The following CSMD1 variants were observed in gnomAD, a reference collection of about 807,000 sequenced individuals.
CSMD1 encodes CUB and sushi domain-containing protein 1.
A neutral mutation model predicts 417.5 loss-of-function variants in CSMD1; 213 were observed. The ratio of observed to expected loss-of-function variants is 0.51; its 90% confidence interval spans 0.46 to 0.57. The LOEUF (loss-of-function observed/expected upper bound fraction) is 0.57. CSMD1 is among the 20% of genes least tolerant of loss of function. The probability of loss-of-function intolerance (pLI) is 0.00; values close to 1 mark genes in which losing one functional copy is unlikely to be tolerated. For missense variants in CSMD1, 6,923 were observed against 4,529.7 expected, an observed-to-expected ratio of 1.53 and a Z score of -15.17; for synonymous variants, 2,862 against 1,736.8, an observed-to-expected ratio of 1.65 and a Z score of -16.11.
At position 4,787,989 on chromosome 8, in the gene CSMD1, G is replaced by C. The variant is rs1866280; in HGVS notation, c.86-150431C>G. 2,793 of 1,593,892 alleles carry C rather than the reference G, an allele frequency of 1.8e-3. 67 individuals carry two copies. The Admixed American group carries it at 0.044, about 25-fold the overall frequency. On this transcript the variant is annotated intron_variant, in intron 1 of 69. Coordinates refer to ENST00000635120, the MANE Select transcript of CSMD1 (RefSeq NM_033225.6). ...ATCAGGAGATCGAAGCCAACAGAAA[G>C]ACAAACAGTGTTATCGGGATCTCAA...
chr8:4,750,069 G>C (rs1044281250), intron 1 of CSMD1, among the ~76,000 whole-genome samples: 1 of 151,866 alleles, frequency 6.6e-6, no homozygotes, highest in Non-Finnish European at 1.5e-5. Context: ...TGCAGTGGGC[G>C]ATCTCGGCTC....
intron 30 of CSMD1, among the ~76,000 whole-genome samples, chr8:3,211,581 G>T (rs1797609923): frequency 6.6e-6 from 1 of 152,192 alleles, no homozygotes; most frequent in Non-Finnish European, 1.5e-5. Flanking sequence ...GGAGCCTTAT[G>T]CCTGTGGAAT....
intron 6 of CSMD1, among the ~76,000 whole-genome samples, chr8:3,753,653 A>G (rs962289400): frequency 2.0e-5 from 3 of 152,226 alleles, no homozygotes; most frequent in African/African-American, 7.2e-5. Flanking sequence ...GATGCATAAT[A>G]ATTAAAATCA....
At chr8:4,270,179 G>A (rs1173525382) in intron 3 of CSMD1, among the ~76,000 whole-genome samples, 1 of 152,324 alleles carries the variant, frequency 6.6e-6, no homozygotes. Context: ...CAAGCGGTTA[G>A]AAAGGAGTTG....
At chr8:4,370,881 G>A (rs767465885) in intron 3 of CSMD1, among the ~76,000 whole-genome samples, 12 of 152,160 alleles carry the variant, frequency 7.9e-5, no homozygotes, top group Non-Finnish European at 1.6e-4. Flanking sequence ...GTATCTTGAT[G>A]AGCTCCATTG....
At chr8:4,686,839 G>T (rs971068788) in intron 1 of CSMD1, among the ~76,000 whole-genome samples, 1 of 152,212 alleles carries the variant, frequency 6.6e-6, no homozygotes, top group Non-Finnish European at 1.5e-5. Flanking sequence ...GCAATGAGCT[G>T]CAGGGAGAGA....
At chr8:3,046,726 T>G (rs573756427) in intron 50 of CSMD1, among the ~76,000 whole-genome samples, 1 of 152,312 alleles carries the variant, frequency 6.6e-6, no homozygotes, top group Non-Finnish European at 1.5e-5. Context: ...CCGCAGCAGC[T>G]GAAGACTTCC....
intron 62 of CSMD1, 145 bp from the exon 63 acceptor site, chr8:2,957,952 C>T (rs1346765833): frequency 9.7e-6 from 6 of 620,048 alleles, no homozygotes; most frequent in Middle Eastern, 2.9e-4. Flanking sequence ...TCAACATGTA[C>T]ATTTTAACTG....
chr8:4,113,312 T>G (rs916612459), intron 3 of CSMD1, among the ~76,000 whole-genome samples: 1 of 150,046 alleles, frequency 6.7e-6, no homozygotes, highest in Non-Finnish European at 1.5e-5. Context: ...GAAAGACATG[T>G]CAAAAAAACT....
intron 2 of CSMD1, among the ~76,000 whole-genome samples, chr8:4,560,201 C>A (rs61085713): frequency 0.046 from 7,006 of 152,258 alleles, 481 homozygotes; most frequent in African/African-American, 0.16. Flanking sequence ...CTGCAAGAAG[C>A]AGCAGCAGCA....
rs748049403 is a variant in CSMD1 at position 4,372,059 on chromosome 8, G to A, written c.415+47894C>T. 1.1e-4 allele frequency among the ~76,000 whole-genome samples: 17 copies of A among 152,234 alleles called. 1 individual carries two copies. Among genetic ancestry groups the A allele is most frequent in the Non-Finnish European group, 1.8e-4 (12 of 68,042 alleles). ...TCATGGCAAGGTCTGGGGTGAACAT[G>A]GCAGTAGGTGGCTGAGGTGGAAGAA... On this transcript the variant is annotated intron_variant, in intron 3 of 69. Transcript: ENST00000635120.
At chr8:4,118,568 G>C (rs140119765) in intron 3 of CSMD1, among the ~76,000 whole-genome samples, 5 of 152,262 alleles carry the variant, frequency 3.3e-5, no homozygotes, top group East Asian at 1.9e-4. Flanking sequence ...TAAAAATGGC[G>C]ATCATGAAAA....
At chr8:4,896,233 G>A (rs1247621000) in intron 1 of CSMD1, among the ~76,000 whole-genome samples, 1 of 151,986 alleles carries the variant, frequency 6.6e-6, no homozygotes, top group Non-Finnish European at 1.5e-5. Context: ...TTTCAACTTT[G>A]CAGGTCACCT....
intron 3 of CSMD1, among the ~76,000 whole-genome samples, chr8:4,209,419 T>G (rs1800170941): frequency 2.0e-5 from 3 of 152,176 alleles, no homozygotes; most frequent in East Asian, 3.9e-4. Flanking sequence ...TGGAATTGTA[T>G]GAGGTGTGAA....
intron 49 of CSMD1, among the ~76,000 whole-genome samples, chr8:3,078,390 T>A (rs1210480058): frequency 1.3e-5 from 2 of 152,206 alleles, no homozygotes; most frequent in African/African-American, 4.8e-5. Context: ...ATTTAATGAA[T>A]AAACATGCTG....
intron 4 of CSMD1, among the ~76,000 whole-genome samples, chr8:4,010,959 C>G (rs1816492636): frequency 6.6e-6 from 1 of 152,168 alleles, no homozygotes. Flanking sequence ...CCCAGCAATC[C>G]CGCTTCACTT....
intron 3 of CSMD1, among the ~76,000 whole-genome samples, chr8:4,397,695 A>T (rs556532463): frequency 6.6e-6 from 1 of 152,194 alleles, no homozygotes; most frequent in Admixed American, 6.5e-5. Context: ...ATAGATATTA[A>T]TAAGATTTCA....
rs571984359 is a variant in CSMD1, at chr8:4,795,252, C to CTTTTTTTTT, written c.86-157703_86-157695dup. ...ATTTCTAGGTCTGCTGGTGTCATAG[C>CTTTTTTTTT]TTTTTTTTTTTTTTTTTTTTTTTTT... On this transcript the variant is annotated intron_variant, in intron 1 of 69. Transcript: ENST00000635120. Among the ~76,000 whole-genome samples, 41 of 46,250 alleles carry CTTTTTTTTT rather than the reference C, an allele frequency of 8.9e-4. 11 individuals carry two copies. The highest frequency in any genetic ancestry group is 1.1e-3 in the Non-Finnish European group (27 of 23,986). 30.3% of individuals were successfully genotyped at this position (46,250 alleles called of 152,430 possible).
At chr8:3,488,417 T>C (rs145473062) in intron 11 of CSMD1, among the ~76,000 whole-genome samples, 30 of 152,274 alleles carry the variant, frequency 2.0e-4, no homozygotes, top group African/African-American at 7.0e-4. Context: ...CAATAACATG[T>C]CTTTTGACCT....
Sources: gnomAD v4.1 joint callset for allele counts (sites outside exome capture counted in the v4.1 genomes callset) on GRCh38, gnomAD v4.1.1 for gene constraint, MANE v1.5 for transcripts, NCBI Gene and HGNC (gene_info 2026-07-23, HGNC 2026-07-21) for gene names.